Variants in GPC5 observed in about 807,000 individuals in gnomAD.
GPC5 encodes glypican 5.
A neutral mutation model predicts 53.9 loss-of-function variants in GPC5; 47 were observed. The ratio of observed to expected loss-of-function variants is 0.87; its 90% CI spans 0.69 to 1.11. GPC5 has a LOEUF of 1.11. GPC5 is among the 50% of genes most tolerant of loss of function. The probability of loss-of-function intolerance (pLI) is 0.00; values close to 1 mark genes in which losing one functional copy is unlikely to be tolerated. For synonymous variants in GPC5, 286 were observed against 263.3 expected (o/e 1.09, Z -0.84); for missense variants, 748 against 713.1 (o/e 1.05, Z -0.56).
chr13:92,375,801 A>T (rs1399816447), intron 7 of GPC5, among the ~76,000 whole-genome samples: 1 of 152,214 alleles, frequency 6.6e-6, no homozygotes, highest in Non-Finnish European at 1.5e-5. Context: ...ACCCACTGAG[A>T]TAATTTGGTA....
intron 7 of GPC5, among the ~76,000 whole-genome samples, chr13:92,742,888 T>C (rs1889141930): frequency 6.6e-6 from 1 of 152,156 alleles, no homozygotes; most frequent in African/African-American, 2.4e-5. Context: ...GATCAGATAG[T>C]TGTAGATGTA....
chr13:91,881,368 C>T (rs1353784316), intron 5 of GPC5, among the ~76,000 whole-genome samples: 2 of 151,848 alleles, frequency 1.3e-5, no homozygotes, highest in Non-Finnish European at 2.9e-5. Context: ...TGATATATTA[C>T]CCATTACATT....
Position 91,687,525 on chromosome 13 carries a change from T to C in GPC5, c.326-5662T>C, listed in dbSNP as rs991325899. Among the ~76,000 whole-genome samples, 9 of 152,032 alleles carry C rather than the reference T, an allele frequency of 5.9e-5. No individual in the cohort carries two copies. The East Asian group carries it at 1.5e-3, about 26-fold the overall frequency. ...ATCCAGTTTTTAGTGAGATAACACATAAATGATTTTATGTGTAGATAAATT... is the reference window on the plus strand; with the variant it reads ...ATCCAGTTTTTAGTGAGATAACACACAAATGATTTTATGTGTAGATAAATT... On this transcript the variant is annotated intron_variant, in intron 2 of 7. Coordinates refer to ENST00000377067, the MANE Select transcript of GPC5 (RefSeq NM_004466.6).
chr13:92,517,234 T>A (rs1230044094), intron 7 of GPC5, among the ~76,000 whole-genome samples: 1 of 152,192 alleles, frequency 6.6e-6, no homozygotes, highest in Non-Finnish European at 1.5e-5. Flanking sequence ...CCTGCCTCTG[T>A]AGACTCCACC....
At chr13:91,739,862 A>G (rs904196337) in intron 4 of GPC5, among the ~76,000 whole-genome samples, 1 of 151,436 alleles carries the variant, frequency 6.6e-6, no homozygotes, top group Non-Finnish European at 1.5e-5. Flanking sequence ...GTGGGGAGTT[A>G]TCATGGAGAC....
chr13:92,053,418 G>A (rs2041046951), intron 6 of GPC5, among the ~76,000 whole-genome samples: 4 of 152,122 alleles, frequency 2.6e-5, no homozygotes, highest in Admixed American at 6.5e-5. Context: ...GGCCCATGAA[G>A]GTACTGAGCC....
chr13:92,221,272 G>A (rs1314664879), intron 7 of GPC5, among the ~76,000 whole-genome samples: 1 of 152,126 alleles, frequency 6.6e-6, no homozygotes, highest in Admixed American at 6.5e-5. Flanking sequence ...TGGCCAATCA[G>A]ACTGAGCGTT....
intron 7 of GPC5, among the ~76,000 whole-genome samples, chr13:92,323,535 TATATA>T (rs1307136157): frequency 6.6e-6 from 1 of 151,858 alleles, no homozygotes; most frequent in African/African-American, 2.4e-5. Context: ...AATGTAGGCA[TATATA>T]ATATATTTTT....
chr13:92,603,145 A>T (rs1325250092), intron 7 of GPC5, among the ~76,000 whole-genome samples: 1 of 152,222 alleles, frequency 6.6e-6, no homozygotes, highest in Non-Finnish European at 1.5e-5. Flanking sequence ...CTATCTTGAC[A>T]TAATGGTATA....
chr13:92,507,192 C>A (rs1415209265), intron 7 of GPC5, among the ~76,000 whole-genome samples: 2 of 152,174 alleles, frequency 1.3e-5, no homozygotes, highest in Non-Finnish European at 2.9e-5. Flanking sequence ...GAAAGATCAA[C>A]TACTTACTCA....
intron 7 of GPC5, among the ~76,000 whole-genome samples, chr13:92,185,022 T>G (rs1165947604): frequency 6.6e-6 from 1 of 152,152 alleles, no homozygotes; most frequent in East Asian, 1.9e-4. Context: ...ATTTTGCAAA[T>G]TAAGTAAGTA....
In GPC5 at chr13:92,178,604, T is replaced by C. The variant is rs556292330; in HGVS notation, c.1561+33615T>C. Reference sequence around the variant, plus strand: ...TTATATATCAACAGTTGCTAATTCCTTACATTAATATATGCTATTTTGCAT... The same window carrying C: ...TTATATATCAACAGTTGCTAATTCCCTACATTAATATATGCTATTTTGCAT... On this transcript the variant is annotated intron_variant, in intron 7 of 7. Coordinates refer to ENST00000377067, the MANE Select transcript of GPC5 (RefSeq NM_004466.6). 5.1e-4 allele frequency among the ~76,000 whole-genome samples: 78 copies of C among 152,174 alleles called. 3 individuals are homozygous for C. The South Asian group carries it at 0.016, about 31-fold the overall frequency.
intron 2 of GPC5, among the ~76,000 whole-genome samples, chr13:91,529,952 T>C (rs941402718): frequency 1.1e-4 from 16 of 152,170 alleles, no homozygotes; most frequent in Non-Finnish European, 2.4e-4. Context: ...TCTCTTTTTT[T>C]TTCTCATTCT....
At chr13:91,572,771 CTTCCCAAA>C (rs2031982779) in intron 2 of GPC5, among the ~76,000 whole-genome samples, 1 of 151,942 alleles carries the variant, frequency 6.6e-6, no homozygotes, top group South Asian at 2.1e-4. Flanking sequence ...TATCACAGTC[CTTCCCAAA>C]AAAAGATAGT....
At chr13:91,936,790 T>A (rs2039875660) in intron 6 of GPC5, among the ~76,000 whole-genome samples, 1 of 151,884 alleles carries the variant, frequency 6.6e-6, no homozygotes, top group African/African-American at 2.4e-5. Flanking sequence ...TGTTTGAGAG[T>A]CTGCATCCTT....
At chr13:92,279,067 T>C (rs2042895419) in intron 7 of GPC5, among the ~76,000 whole-genome samples, 1 of 152,064 alleles carries the variant, frequency 6.6e-6, no homozygotes. Context: ...AGAAGGGCCA[T>C]TGGGATTTTG....
chr13:92,649,844 CTG>C (rs1351503078), intron 7 of GPC5, among the ~76,000 whole-genome samples: 1 of 152,104 alleles, frequency 6.6e-6, no homozygotes, highest in Non-Finnish European at 1.5e-5. Flanking sequence ...CTTTGAAACT[CTG>C]TGACTTTAGT....
At chr13:91,790,618 A>C (rs2037949079) in intron 5 of GPC5, among the ~76,000 whole-genome samples, 1 of 152,208 alleles carries the variant, frequency 6.6e-6, no homozygotes, top group African/African-American at 2.4e-5. Flanking sequence ...TTTCTATGAT[A>C]TGTTCAGAAC....
At chr13:91,507,535 C>T (rs1195202050) in intron 2 of GPC5, among the ~76,000 whole-genome samples, 7 of 152,182 alleles carry the variant, frequency 4.6e-5, no homozygotes, top group Admixed American at 4.6e-4. Flanking sequence ...GAGACCCATT[C>T]ACTATCACAA....
Sources: allele counts gnomAD v4.1 joint callset (sites outside exome capture counted in the v4.1 genomes callset), GRCh38; gene constraint gnomAD v4.1.1; transcripts MANE v1.5; gene names NCBI Gene and HGNC (gene_info 2026-07-23, HGNC 2026-07-21).